BLVRA: variants seen among roughly 807,000 people sequenced by gnomAD.
BLVRA encodes BVR A.
Under a neutral mutation model 32.8 loss-of-function variants are expected in BLVRA, and 22 were observed. The ratio of observed to expected loss-of-function variants is 0.67; its 90% CI spans 0.48 to 0.96. The LOEUF is 0.96. Among genes scored for constraint, BLVRA ranks in the 40% least tolerant of loss-of-function variants. The pLI, the probability that BLVRA is intolerant of heterozygous loss-of-function variation, is 0.00. For synonymous variants in BLVRA, 119 were observed against 141.3 expected, an observed-to-expected ratio of 0.84 and a Z score of 1.12; for missense variants, 323 against 358.1, an observed-to-expected ratio of 0.90 and a Z score of 0.79.
intron 7 of BLVRA, among the ~76,000 whole-genome samples, chr7:43,806,025 A>G (rs2095803690): frequency 1.3e-5 from 2 of 152,260 alleles, no homozygotes; most frequent in South Asian, 4.1e-4. Flanking sequence ...TTAAAAGGAC[A>G]TGAGAGGCCG....
chr7:43,758,473 G>A (rs535027563), upstream of BLVRA, among the ~76,000 whole-genome samples: 28 of 137,038 alleles, frequency 2.0e-4, no homozygotes, highest in Non-Finnish European at 3.9e-4. Flanking sequence ...AACAGGGCAG[G>A]CGCACGGACG....
intron 1 of BLVRA, chr7:43,767,376 G>A (rs1341994602): frequency 7.5e-6 from 12 of 1,600,362 alleles, no homozygotes; most frequent in Middle Eastern, 1.8e-4. Flanking sequence ...CACTGAAGAC[G>A]CTCCTGTTCT....
chr7:43,788,492 G>A (rs1030773948), intron 3 of BLVRA, among the ~76,000 whole-genome samples: 1 of 152,214 alleles, frequency 6.6e-6, no homozygotes, highest in African/African-American at 2.4e-5. Flanking sequence ...TAATCTGCCT[G>A]AGGTCACACA....
chr7:43,783,109 AT>A (rs1038235877), intron 2 of BLVRA, among the ~76,000 whole-genome samples: 49 of 152,236 alleles, frequency 3.2e-4, no homozygotes, highest in African/African-American at 1.0e-3. Flanking sequence ...GCCCTCTGAT[AT>A]TTATGTCTGT....
At chr7:43,761,950 A>G (rs2095742778) in intron 1 of BLVRA, among the ~76,000 whole-genome samples, 1 of 152,110 alleles carries the variant, frequency 6.6e-6, no homozygotes, top group South Asian at 2.1e-4. Flanking sequence ...ATAGATCCCA[A>G]AGTATCCAAC....
At chr7:43,761,474 G>A (rs1410426711) in intron 1 of BLVRA, among the ~76,000 whole-genome samples, 5 of 152,152 alleles carry the variant, frequency 3.3e-5, no homozygotes, top group African/African-American at 4.8e-5. Context: ...CTATATTTTT[G>A]TAGTTGAGTC....
intron 2 of BLVRA, among the ~76,000 whole-genome samples, chr7:43,786,925 T>A (rs1333433742): frequency 6.8e-6 from 1 of 146,482 alleles, no homozygotes; most frequent in Non-Finnish European, 1.5e-5. Context: ...TGCATGGAGA[T>A]AATTTTTTTT....
intron 1 of BLVRA, among the ~76,000 whole-genome samples, chr7:43,763,448 C>A (rs2095744541): frequency 6.6e-6 from 1 of 152,152 alleles, no homozygotes; most frequent in Non-Finnish European, 1.5e-5. Context: ...CACCAGGGAC[C>A]ACCATCAGCA....
At chr7:43,801,759 G>A (rs1563552098) in intron 6 of BLVRA, among the ~76,000 whole-genome samples, 2 of 152,138 alleles carry the variant, frequency 1.3e-5, no homozygotes, top group African/African-American at 2.4e-5. Flanking sequence ...CAGAGGTAAC[G>A]TAGCGGTCAT....
chr7:43,798,197 C>CCAAA (rs1377160080), intron 5 of BLVRA, among the ~76,000 whole-genome samples: 1 of 45,206 alleles, frequency 2.2e-5, no homozygotes, highest in Non-Finnish European at 4.0e-5. Context: ...CCCCATCTCA[C>CCAAA]AAAAAAAAAA....
chr7:43,771,535 G>T (rs1296175459), intron 2 of BLVRA, among the ~76,000 whole-genome samples: 1 of 152,198 alleles, frequency 6.6e-6, no homozygotes, highest in African/African-American at 2.4e-5. Context: ...GTTCTTTGAT[G>T]CATGGAGATG....
At chr7:43,759,320 A>T (rs1018168037) in intron 1 of BLVRA, among the ~76,000 whole-genome samples, 11 of 152,280 alleles carry the variant, frequency 7.2e-5, no homozygotes, top group Admixed American at 5.9e-4. Context: ...AGTGCACTCT[A>T]CATATGAAGT....
intron 2 of BLVRA, among the ~76,000 whole-genome samples, chr7:43,775,336 G>T (rs1351683730): frequency 4.6e-5 from 7 of 152,206 alleles, no homozygotes; most frequent in Admixed American, 2.0e-4. Flanking sequence ...TTTATTGAGA[G>T]TTTTTAGCAT....
intron 1 of BLVRA, among the ~76,000 whole-genome samples, chr7:43,760,389 T>C (rs2095740968): frequency 6.6e-6 from 1 of 152,210 alleles, no homozygotes; most frequent in Admixed American, 6.5e-5. Context: ...CTGACTTCTA[T>C]GTAGAGGCGA....
At chr7:43,799,047 G>C (rs1035214715) in intron 5 of BLVRA, among the ~76,000 whole-genome samples, 1 of 152,186 alleles carries the variant, frequency 6.6e-6, no homozygotes, top group Admixed American at 6.5e-5. Context: ...AAAGCATTTT[G>C]TGCCATTTAG....
Position 43,787,971 on chromosome 7 carries a change from T to TG in BLVRA, c.81dup (p.Arg28AlafsTer25). 1.2e-6 allele frequency: 2 copies of TG among 1,614,204 alleles called. No homozygotes were observed. Among genetic ancestry groups the TG allele is most frequent in the Non-Finnish European group, 1.7e-6 (2 of 1,180,040 alleles). On this transcript the variant is annotated frameshift_variant, in exon 3 of 8. Transcript: ENST00000265523. LOFTEE classifies it high-confidence loss of function. This position sits in a 1 kb window ranked among gnomAD's most constrained non-coding sequence, Gnocchi z 4.5. ...GCCGGCTCCGTGCGGATGAGGGACT[T>TG]GCGGAATCCACACCCTTCCTCAGCG...
At chr7:43,761,584 G>C (rs2095742343) in intron 1 of BLVRA, among the ~76,000 whole-genome samples, 2 of 151,532 alleles carry the variant, frequency 1.3e-5, no homozygotes, top group Non-Finnish European at 2.9e-5. Flanking sequence ...TTCATTCATT[G>C]ATCCCCCAAA....
chr7:43,773,499 T>G (rs2095757047), intron 2 of BLVRA, among the ~76,000 whole-genome samples: 1 of 152,236 alleles, frequency 6.6e-6, no homozygotes, highest in Non-Finnish European at 1.5e-5. Context: ...TAGTATTCCA[T>G]GGTGTATATG....
chr7:43,758,392 A>T (rs1253808050), upstream of BLVRA, among the ~76,000 whole-genome samples: 1 of 111,862 alleles, frequency 8.9e-6, no homozygotes, highest in Non-Finnish European at 2.3e-5. Flanking sequence ...GAGGGGGCCC[A>T]GCCACTTCCA....
Sources: gnomAD v4.1 joint callset for allele counts (sites outside exome capture counted in the v4.1 genomes callset) on GRCh38, gnomAD v4.1.1 for gene constraint, Gnocchi (gnomAD v3.1) non-coding constraint, MANE v1.5 for transcripts, NCBI Gene and HGNC (gene_info 2026-07-23, HGNC 2026-07-21) for gene names.